IQGAP2: variants seen among roughly 807,000 people sequenced by gnomAD.
The protein encoded by IQGAP2 is IQ motif containing GTPase activating protein 2, also known as ras GTPase-activating-like protein IQGAP2.
In IQGAP2, 173 loss-of-function variants were observed where a neutral mutation model predicts 201.3. The observed-to-expected ratio is 0.86, with a 90% CI of 0.76 to 0.98. The LOEUF (loss-of-function observed/expected upper bound fraction) is 0.98. Ranked by LOEUF, IQGAP2 falls within the 50% of genes least tolerant of loss-of-function variation. IQGAP2 has a pLI of 0.00. For synonymous variants in IQGAP2, 675 were observed against 673.9 expected, an observed-to-expected ratio of 1.00 and a Z score of -0.03; for missense variants, 1,687 against 1,864.8, an observed-to-expected ratio of 0.90 and a Z score of 1.76.
At chr5:76,641,252 T>G (rs1199904575) in intron 17 of IQGAP2, 149 bp downstream of exon 17, 8 of 595,606 alleles carry the variant, frequency 1.3e-5, no homozygotes, top group Non-Finnish European at 1.7e-5. Flanking sequence ...TCTACTTCAC[T>G]AAGGCTTTAA....
intron 14 of IQGAP2, among the ~76,000 whole-genome samples, chr5:76,629,599 C>G (rs191114727): frequency 1.2e-3 from 181 of 152,290 alleles, no homozygotes; most frequent in Non-Finnish European, 2.4e-3. Flanking sequence ...TCTAATCACT[C>G]CTTACCATGA....
chr5:76,553,885 A>G (rs1223361164), intron 2 of IQGAP2, among the ~76,000 whole-genome samples: 2 of 152,178 alleles, frequency 1.3e-5, no homozygotes, highest in African/African-American at 4.8e-5. Context: ...GGAAGGGGGA[A>G]TATTCTGGTT....
Position 76,693,377 on chromosome 5 carries a change from G to C in IQGAP2, c.3928G>C (p.Val1310Leu). 6.2e-7 allele frequency: 1 copy of C among 1,613,736 alleles called. No individual in the cohort carries two copies. The highest frequency in any genetic ancestry group is 2.2e-5 in the East Asian group (1 of 44,872). ...AAGGACCAAGAAGCTGATAATTGAT[G>C]TGATCCGGAACCAGCCAGGGAACAC... ...MIKTKKLIID[V>L]IRNQPGNTLT... The change falls in exon 31 of 36, where the codon GTG becomes CTG. Residue 1310 changes from valine to leucine, a missense_variant. By Grantham distance (32) the Val-to-Leu change is conservative. Coordinates refer to ENST00000274364, the MANE Select transcript of IQGAP2 (RefSeq NM_006633.5).
chr5:76,459,074 TAGA>T (rs1320798761), intron 1 of IQGAP2, among the ~76,000 whole-genome samples: 1 of 152,098 alleles, frequency 6.6e-6, no homozygotes, highest in Non-Finnish European at 1.5e-5. Context: ...AGGATCCCAC[TAGA>T]TGGGGTCAAT....
chr5:76,611,054 T>G lies in IQGAP2; in HGVS notation c.1392T>G (p.Ile464Met). The G allele has an allele frequency of 6.2e-7, 1 of 1,613,732 alleles. No homozygotes were observed. The change falls in exon 13 of 36, where the codon ATT becomes ATG. Residue 464 changes from isoleucine to methionine, a missense_variant. Coordinates refer to ENST00000274364, the MANE Select transcript of IQGAP2 (RefSeq NM_006633.5). Reference protein sequence around the residue: ...VVAVGYINEAIDEGNPLRTLE... With the variant: ...VVAVGYINEAMDEGNPLRTLE... ...CTGTAGGGTACATCAATGAAGCTAT[T>G]GATGAAGGGAATCCTTTGAGGACTT...
At chr5:76,626,837 G>C (rs1288205015) in intron 13 of IQGAP2, among the ~76,000 whole-genome samples, 1 of 152,108 alleles carries the variant, frequency 6.6e-6, no homozygotes, top group Non-Finnish European at 1.5e-5. Context: ...GTTGAGACCT[G>C]AATGGTAAGA....
chr5:76,423,340 C>T (rs1022978373), intron 1 of IQGAP2, among the ~76,000 whole-genome samples: 2 of 152,040 alleles, frequency 1.3e-5, no homozygotes, highest in Non-Finnish European at 2.9e-5. Flanking sequence ...GGTGCTTGGT[C>T]GACCGGGCTT....
At chr5:76,621,976 C>T (rs543699685) in intron 13 of IQGAP2, among the ~76,000 whole-genome samples, 1 of 152,164 alleles carries the variant, frequency 6.6e-6, no homozygotes, top group African/African-American at 2.4e-5. Flanking sequence ...AAAGCCCCTT[C>T]CTCATCCCTC....
intron 1 of IQGAP2, among the ~76,000 whole-genome samples, chr5:76,428,759 G>A (rs897285440): frequency 1.3e-5 from 2 of 148,540 alleles, no homozygotes; most frequent in African/African-American, 2.5e-5. Flanking sequence ...AGTGGGCAGC[G>A]TCTTTCCATT....
chr5:76,525,737 A>G (rs774803686), intron 2 of IQGAP2, among the ~76,000 whole-genome samples: 2 of 152,200 alleles, frequency 1.3e-5, no homozygotes, highest in Non-Finnish European at 2.9e-5. Context: ...AAAGTTACCA[A>G]AATATTTAAG....
intron 2 of IQGAP2, among the ~76,000 whole-genome samples, chr5:76,542,734 A>AC (rs1742856878): frequency 2.0e-5 from 3 of 152,188 alleles, no homozygotes; most frequent in Admixed American, 6.5e-5. Flanking sequence ...GTCTCCTCAT[A>AC]CCTGGAACAA....
At chr5:76,438,101 T>C (rs746517600) in intron 1 of IQGAP2, among the ~76,000 whole-genome samples, 64 of 150,768 alleles carry the variant, frequency 4.2e-4, no homozygotes, top group Non-Finnish European at 7.7e-4. Flanking sequence ...CTAGCTTTCA[T>C]AGAATGAGTT....
chr5:76,553,308 A>G (rs931881071), intron 2 of IQGAP2, among the ~76,000 whole-genome samples: 1 of 152,328 alleles, frequency 6.6e-6, no homozygotes, highest in Admixed American at 6.5e-5. Flanking sequence ...GCTGATTTTT[A>G]AAATATTAAG....
At chr5:76,436,788 A>G (rs1268353663) in intron 1 of IQGAP2, among the ~76,000 whole-genome samples, 1 of 151,286 alleles carries the variant, frequency 6.6e-6, no homozygotes, top group Non-Finnish European at 1.5e-5. Flanking sequence ...TCGGCCTCCC[A>G]AAGTGTTGGG....
At chr5:76,556,642 C>T (rs530104031) in intron 2 of IQGAP2, among the ~76,000 whole-genome samples, 24 of 152,312 alleles carry the variant, frequency 1.6e-4, no homozygotes, top group African/African-American at 5.5e-4. Flanking sequence ...CATATCATGG[C>T]TCCTGCTTCA....
At position 76,566,102 on chromosome 5, in the gene IQGAP2, A is replaced by T. The variant is rs143702376; in HGVS notation, c.303+3550A>T. On this transcript the variant is annotated intron_variant, in intron 3 of 35. Transcript: ENST00000274364. ...CATATAGGGTAGAATTCATTCATCCATGCAACACTTATGAAGACCCATTGC... is the reference window on the plus strand; with the variant it reads ...CATATAGGGTAGAATTCATTCATCCTTGCAACACTTATGAAGACCCATTGC... Among the ~76,000 whole-genome samples, 4 of 152,306 alleles carry T rather than the reference A, an allele frequency of 2.6e-5. 1 individual carries two copies. Among genetic ancestry groups the T allele is most frequent in the Non-Finnish European group, 2.9e-5 (2 of 68,024 alleles).
At chr5:76,622,199 T>C (rs1749762567) in intron 13 of IQGAP2, among the ~76,000 whole-genome samples, 1 of 152,106 alleles carries the variant, frequency 6.6e-6, no homozygotes, top group African/African-American at 2.4e-5. Context: ...CAAACCCTAT[T>C]AGCGTCTTGA....
At chr5:76,654,727 A>T (rs1009115948) in intron 19 of IQGAP2, among the ~76,000 whole-genome samples, 1 of 152,222 alleles carries the variant, frequency 6.6e-6, no homozygotes, top group South Asian at 2.1e-4. Flanking sequence ...CAGTTCCCCT[A>T]CAGTCTTGTT....
chr5:76,520,466 A>AAAACTGGG (rs1758605723), intron 2 of IQGAP2, among the ~76,000 whole-genome samples: 1 of 152,056 alleles, frequency 6.6e-6, no homozygotes, highest in Admixed American at 6.5e-5. Flanking sequence ...CCGGCGCATT[A>AAAACTGGG]TAGTAAGTCT....
Sources: gnomAD v4.1 joint callset for allele counts (sites outside exome capture counted in the v4.1 genomes callset) on GRCh38, gnomAD v4.1.1 for gene constraint, MANE v1.5 for transcripts, NCBI Gene and HGNC (gene_info 2026-07-23, HGNC 2026-07-21) for gene names.